ERBB4: variants seen among roughly 807,000 people sequenced by gnomAD.
ERBB4 encodes the protein receptor tyrosine-protein kinase erbB-4.
Under a neutral mutation model 158.0 loss-of-function variants are expected in ERBB4, and 42 were observed. That is an observed-to-expected ratio of 0.27 (90% CI 0.21 to 0.34). ERBB4 has a LOEUF of 0.34. Among genes scored for constraint, ERBB4 ranks in the 10% least tolerant of loss-of-function variants. ERBB4 has a pLI of 1.00. For synonymous variants in ERBB4, 583 were observed against 558.7 expected (o/e 1.04, Z -0.61); for missense variants, 1,333 against 1,624.1 (o/e 0.82, Z 3.08).
At chr2:212,088,926 C>T (rs944766196) in intron 2 of ERBB4, among the ~76,000 whole-genome samples, 2 of 152,008 alleles carry the variant, frequency 1.3e-5, no homozygotes, top group Non-Finnish European at 1.5e-5. Flanking sequence ...ATTCCCTGCT[C>T]AGAGAAAGCT....
rs144950424 is a variant in ERBB4, at chr2:211,839,708, T to C, written c.422-51549A>G. 8.3e-3 allele frequency among the ~76,000 whole-genome samples: 1,262 copies of C among 152,208 alleles called. 15 individuals carry two copies. Among genetic ancestry groups the C allele is most frequent in the African/African-American group, 0.029 (1,198 of 41,546 alleles). On this transcript the variant is annotated intron_variant, in intron 3 of 27. Transcript: ENST00000342788. Reference sequence around the variant, plus strand: ...CTGAAAGATAAAATGCTTAAAACACTGGTGTAAATTAAAAACATGTCTTGA... The same window carrying C: ...CTGAAAGATAAAATGCTTAAAACACCGGTGTAAATTAAAAACATGTCTTGA...
At chr2:211,864,736 C>A (rs750203998) in intron 3 of ERBB4, among the ~76,000 whole-genome samples, 1 of 151,990 alleles carries the variant, frequency 6.6e-6, no homozygotes, top group Non-Finnish European at 1.5e-5. Flanking sequence ...GAGTTCCAGG[C>A]GGGCAGATCA....
chr2:212,123,339 G>A (rs1045938676), intron 2 of ERBB4, among the ~76,000 whole-genome samples: 31 of 152,156 alleles, frequency 2.0e-4, no homozygotes, highest in Non-Finnish European at 4.4e-5. Context: ...TGAGGCGGAG[G>A]TTGCAATGAG....
At chr2:212,066,498 T>C (rs1398995406) in intron 2 of ERBB4, among the ~76,000 whole-genome samples, 1 of 151,984 alleles carries the variant, frequency 6.6e-6, no homozygotes, top group African/African-American at 2.4e-5. Flanking sequence ...AAGTAAGAAA[T>C]GATGTTTGAA....
chr2:212,078,867 G>A lies in ERBB4; in HGVS notation c.234+45885C>T, dbSNP rs115841599. 9.2e-3 allele frequency among the ~76,000 whole-genome samples: 1,385 copies of A among 150,758 alleles called. 14 individuals are homozygous for A. Among genetic ancestry groups the A allele is most frequent in the African/African-American group, 0.031 (1,274 of 41,214 alleles). On this transcript the variant is annotated intron_variant, in intron 2 of 27. Transcript: ENST00000342788. ...TTATTACTAGTTACCATTTTATACT[G>A]ATATTTTTAGTATAATATTAATGCT...
chr2:211,721,573 C>A (rs13412270), intron 7 of ERBB4, among the ~76,000 whole-genome samples: 10,994 of 145,580 alleles, frequency 0.076, 479 homozygotes, highest in African/African-American at 0.087. Flanking sequence ...CTTTAACATA[C>A]CCTTTATATA....
chr2:211,864,666 T>C (rs1437608814), intron 3 of ERBB4, among the ~76,000 whole-genome samples: 2 of 152,152 alleles, frequency 1.3e-5, no homozygotes, highest in African/African-American at 4.8e-5. Flanking sequence ...TGTAAAGTGA[T>C]AAAGATTGAT....
intron 19 of ERBB4, among the ~76,000 whole-genome samples, chr2:211,614,603 A>G (rs1037431093): frequency 3.9e-5 from 6 of 152,128 alleles, no homozygotes; most frequent in African/African-American, 1.2e-4. Flanking sequence ...GGAACAGGAT[A>G]TAGCTAAGAG....
intron 20 of ERBB4, among the ~76,000 whole-genome samples, chr2:211,550,421 A>G (rs990674708): frequency 5.9e-5 from 9 of 151,528 alleles, no homozygotes; most frequent in Admixed American, 1.3e-4. Context: ...GACCATACTT[A>G]TTTCTGATTA....
intron 1 of ERBB4, among the ~76,000 whole-genome samples, chr2:212,371,168 G>A (rs2090072875): frequency 6.6e-6 from 1 of 152,102 alleles, no homozygotes; most frequent in South Asian, 2.1e-4. Context: ...CCCAGCCTAT[G>A]GGTTTCATTG....
intron 1 of ERBB4, among the ~76,000 whole-genome samples, chr2:212,444,566 G>T (rs2092313743): frequency 6.6e-6 from 1 of 152,192 alleles, no homozygotes; most frequent in East Asian, 1.9e-4. Flanking sequence ...CTCAGCAGAG[G>T]AGGATTTTAA....
intron 3 of ERBB4, among the ~76,000 whole-genome samples, chr2:211,797,749 A>T (rs990643488): frequency 6.6e-6 from 1 of 151,940 alleles, no homozygotes; most frequent in African/African-American, 2.4e-5. Context: ...TTAAAGAAGG[A>T]GTCATAAAAT....
At chr2:211,693,416 T>C (rs2072895110) in intron 12 of ERBB4, among the ~76,000 whole-genome samples, 2 of 152,164 alleles carry the variant, frequency 1.3e-5, no homozygotes, top group Non-Finnish European at 2.9e-5. Context: ...TATAGAATGC[T>C]TTTTAGAGTT....
intron 5 of ERBB4, among the ~76,000 whole-genome samples, chr2:211,738,609 T>A (rs1386997672): frequency 6.6e-6 from 1 of 151,934 alleles, no homozygotes; most frequent in Non-Finnish European, 1.5e-5. Context: ...TGAACTCAGG[T>A]GATCCACCTG....
rs147815127 is a variant in ERBB4, at chr2:212,008,299, G to A, written c.235-60683C>T. 6.3e-3 allele frequency among the ~76,000 whole-genome samples: 953 copies of A among 152,088 alleles called. 6 individuals carry two copies. Among genetic ancestry groups the A allele is most frequent in the African/African-American group, 0.021 (872 of 41,530 alleles). On this transcript the variant is annotated intron_variant, in intron 2 of 27. Coordinates refer to ENST00000342788, the MANE Select transcript of ERBB4 (RefSeq NM_005235.3). ...TTTTGGATTCCCCTACGACACAGTC[G>A]AGATTTATTTATTTATTTAAGTAAT...
chr2:211,692,369 C>T (rs1322429625), intron 12 of ERBB4, among the ~76,000 whole-genome samples: 1 of 152,156 alleles, frequency 6.6e-6, no homozygotes, highest in Non-Finnish European at 1.5e-5. Context: ...CTGGGTTGGA[C>T]TTATATCACT....
chr2:211,666,151 T>G (rs896639776), intron 14 of ERBB4, among the ~76,000 whole-genome samples: 1 of 152,188 alleles, frequency 6.6e-6, no homozygotes, highest in African/African-American at 2.4e-5. Flanking sequence ...TTTTCTTTAT[T>G]TCATATCCAC....
At chr2:212,395,745 G>A (rs1053363840) in intron 1 of ERBB4, among the ~76,000 whole-genome samples, 4 of 150,050 alleles carry the variant, frequency 2.7e-5, no homozygotes, top group Non-Finnish European at 4.4e-5. Flanking sequence ...TCAGCATCCT[G>A]AGTAGCTGGG....
intron 19 of ERBB4, among the ~76,000 whole-genome samples, chr2:211,576,927 T>G (rs754408120): frequency 1.4e-4 from 22 of 152,086 alleles, no homozygotes; most frequent in Admixed American, 3.3e-4. Flanking sequence ...GGTTGTACCA[T>G]GAGGAGAAAG....
Sources: gnomAD v4.1 joint callset for allele counts (sites outside exome capture counted in the v4.1 genomes callset) on GRCh38, gnomAD v4.1.1 for gene constraint, MANE v1.5 for transcripts, NCBI Gene and HGNC (gene_info 2026-07-23, HGNC 2026-07-21) for gene names.